The following RANBP2 variants were observed in gnomAD, a reference collection of about 807,000 sequenced individuals.
RANBP2 encodes E3 SUMO-protein ligase RanBP2.
Under a neutral mutation model 303.6 loss-of-function variants are expected in RANBP2, and 57 were observed. The observed-to-expected ratio is 0.19, with a 90% CI of 0.15 to 0.23. The LOEUF (loss-of-function observed/expected upper bound fraction) is 0.23. Among genes scored for constraint, RANBP2 ranks in the 10% least tolerant of loss-of-function variants. The probability of loss-of-function intolerance (pLI) is 1.00; values close to 1 mark genes in which losing one functional copy is unlikely to be tolerated. For missense variants in RANBP2, 3,138 were observed against 3,780.8 expected (o/e 0.83, Z 4.46); for synonymous variants, 1,167 against 1,301.5 (o/e 0.90, Z 2.23).
the RANBP2 span, among the ~76,000 whole-genome samples, chr2:109,567,376 T>C: frequency 6.6e-6 from 1 of 152,220 alleles, no homozygotes; most frequent in African/African-American, 2.4e-5. Context: ...AAAAGTTATA[T>C]GAATGTAACT....
At chr2:109,650,152 C>G in the RANBP2 span, among the ~76,000 whole-genome samples, 4 of 152,126 alleles carry the variant, frequency 2.6e-5, no homozygotes, top group Non-Finnish European at 5.9e-5. Flanking sequence ...GATGGAAATC[C>G]ATAAGGCTCA....
At chr2:108,831,338 C>G in the RANBP2 span, among the ~76,000 whole-genome samples, 3 of 152,150 alleles carry the variant, frequency 2.0e-5, no homozygotes, top group East Asian at 3.9e-4. Context: ...TACTGCCACC[C>G]TATGAATGAG....
At chr2:108,868,122 G>A in the RANBP2 span, among the ~76,000 whole-genome samples, 1 of 152,048 alleles carries the variant, frequency 6.6e-6, no homozygotes, top group African/African-American at 2.4e-5. Flanking sequence ...TTTTAAAAAT[G>A]TATAACCGCT....
the RANBP2 span, among the ~76,000 whole-genome samples, chr2:109,415,642 C>T: frequency 2.0e-5 from 3 of 152,084 alleles, no homozygotes; most frequent in African/African-American, 7.2e-5. Flanking sequence ...CCAGGGACGC[C>T]GTGCCCTCAG....
chr2:109,466,849 CTA>C, the RANBP2 span, among the ~76,000 whole-genome samples: 1 of 149,970 alleles, frequency 6.7e-6, no homozygotes, highest in African/African-American at 2.5e-5. Context: ...GTGTGCATGT[CTA>C]TACATGTGCA....
At chr2:109,539,477 T>C in the RANBP2 span, among the ~76,000 whole-genome samples, 5 of 152,010 alleles carry the variant, frequency 3.3e-5, no homozygotes, top group Middle Eastern at 3.4e-3. Context: ...TGAGGCGGAT[T>C]CTGTCACCCA....
the RANBP2 span, among the ~76,000 whole-genome samples, chr2:109,455,757 G>A: frequency 1.2e-3 from 180 of 152,080 alleles, 3 homozygotes; most frequent in Middle Eastern, 0.01. Flanking sequence ...ACAGGCAGCC[G>A]GGGAAGCCAG....
At chr2:108,923,797 C>A in the RANBP2 span, among the ~76,000 whole-genome samples, 1 of 152,226 alleles carries the variant, frequency 6.6e-6, no homozygotes, top group Non-Finnish European at 1.5e-5. Flanking sequence ...GCTTAGCCCC[C>A]CAGGGGTCAC....
the RANBP2 span, among the ~76,000 whole-genome samples, chr2:108,800,545 G>A: frequency 2.7e-5 from 4 of 149,888 alleles, no homozygotes; most frequent in Non-Finnish European, 4.4e-5. Flanking sequence ...GATCACAGGC[G>A]TGCCTGGCCA....
At chr2:109,078,977 C>A in the RANBP2 span, among the ~76,000 whole-genome samples, 1 of 151,140 alleles carries the variant, frequency 6.6e-6, no homozygotes, top group Non-Finnish European at 1.5e-5. Flanking sequence ...GGCAACGGAG[C>A]GAGACTCTGT....
At chr2:109,303,760 A>C in the RANBP2 span, among the ~76,000 whole-genome samples, 1 of 152,218 alleles carries the variant, frequency 6.6e-6, no homozygotes, top group Non-Finnish European at 1.5e-5. Flanking sequence ...TATTTTACAT[A>C]CTTAATTTCT....
At chr2:109,507,824 G>A in the RANBP2 span, among the ~76,000 whole-genome samples, 11 of 151,906 alleles carry the variant, frequency 7.2e-5, no homozygotes, top group South Asian at 2.1e-4. Context: ...ACAATCAGAC[G>A]TGTGCAAATG....
At chr2:108,903,402 T>G in the RANBP2 span, among the ~76,000 whole-genome samples, 13 of 151,840 alleles carry the variant, frequency 8.6e-5, no homozygotes, top group African/African-American at 2.7e-4. Flanking sequence ...AAAACTTATA[T>G]GGAAAGGCAA....
At chr2:108,873,654 G>C in the RANBP2 span, 1 of 1,170,330 alleles carries the variant, frequency 8.5e-7, no homozygotes, top group South Asian at 1.6e-5. Flanking sequence ...TTTAAACCAG[G>C]GGTTTTAATC....
At chr2:109,142,201 C>A in the RANBP2 span, among the ~76,000 whole-genome samples, 2 of 152,158 alleles carry the variant, frequency 1.3e-5, no homozygotes, top group Non-Finnish European at 2.9e-5. Flanking sequence ...CGGACTCTTG[C>A]GCCTTTGTGA....
chr2:109,278,868 C>T, the RANBP2 span, among the ~76,000 whole-genome samples: 1 of 152,300 alleles, frequency 6.6e-6, no homozygotes, highest in East Asian at 1.9e-4. Context: ...GGGACGTGCA[C>T]TCTGCAGAAG....
the RANBP2 span, among the ~76,000 whole-genome samples, chr2:109,153,403 G>A: frequency 7.2e-5 from 11 of 152,192 alleles, 1 homozygote; most frequent in Middle Eastern, 6.3e-3. Context: ...CAATTACGCT[G>A]ATTTTGCCCA....
the RANBP2 span, among the ~76,000 whole-genome samples, chr2:109,704,961 A>C: frequency 2.9e-4 from 44 of 152,208 alleles, no homozygotes; most frequent in African/African-American, 9.1e-4. Flanking sequence ...CCCCTTTAGG[A>C]ATTACAAAAT....
At chr2:109,423,248 G>A in the RANBP2 span, among the ~76,000 whole-genome samples, 1 of 152,114 alleles carries the variant, frequency 6.6e-6, no homozygotes, top group South Asian at 2.1e-4. Flanking sequence ...GTGGCCAGCG[G>A]TTTTCATCCT....
Sources: gnomAD v4.1 joint callset for allele counts (sites outside exome capture counted in the v4.1 genomes callset) on GRCh38, gnomAD v4.1.1 for gene constraint, MANE v1.5 for transcripts, NCBI Gene and HGNC (gene_info 2026-07-23, HGNC 2026-07-21) for gene names.